The following CNTN1 variants were observed in gnomAD, a reference collection of about 807,000 sequenced individuals.
CNTN1 encodes contactin 1.
A neutral mutation model predicts 126.4 loss-of-function variants in CNTN1; 38 were observed. The ratio of observed to expected loss-of-function variants is 0.30; its 90% CI spans 0.23 to 0.39. CNTN1 has a LOEUF of 0.39. Among genes scored for constraint, CNTN1 ranks in the 10% least tolerant of loss-of-function variants. The pLI, the probability that CNTN1 is intolerant of heterozygous loss-of-function variation, is 1.00. For synonymous variants in CNTN1, 413 were observed against 422.6 expected (o/e 0.98, Z 0.28); for missense variants, 1,009 against 1,248.4 (o/e 0.81, Z 2.89).
intron 14 of CNTN1, among the ~76,000 whole-genome samples, chr12:40,950,924 T>G (rs1013223108): frequency 6.6e-6 from 1 of 151,808 alleles, no homozygotes; most frequent in Admixed American, 6.6e-5. Context: ...TAAGCATATA[T>G]ATATATAAGA....
intron 1 of CNTN1, among the ~76,000 whole-genome samples, chr12:40,868,567 A>G (rs959276976): frequency 2.0e-5 from 3 of 152,056 alleles, no homozygotes; most frequent in Non-Finnish European, 4.4e-5. Flanking sequence ...ACTTCCACGG[A>G]CCTAACTCCC....
At chr12:40,735,786 G>T (rs750300019) in intron 1 of CNTN1, among the ~76,000 whole-genome samples, 39 of 152,104 alleles carry the variant, frequency 2.6e-4, no homozygotes, top group Non-Finnish European at 5.0e-4. Context: ...CCAGCCAAAT[G>T]CAAACATTTT....
At chr12:40,707,999 T>C (rs1941814464) in intron 1 of CNTN1, among the ~76,000 whole-genome samples, 1 of 152,220 alleles carries the variant, frequency 6.6e-6, no homozygotes, top group Non-Finnish European at 1.5e-5. Context: ...CCAATGACTT[T>C]TTAGTCCTAG....
At chr12:40,834,897 T>A (rs1941990762) in intron 1 of CNTN1, among the ~76,000 whole-genome samples, 1 of 152,216 alleles carries the variant, frequency 6.6e-6, no homozygotes, top group African/African-American at 2.4e-5. Flanking sequence ...AAAATTATTA[T>A]GAGCATACAA....
chr12:40,941,459 C>A (rs1029694911), intron 12 of CNTN1, among the ~76,000 whole-genome samples: 29 of 152,106 alleles, frequency 1.9e-4, no homozygotes, highest in Admixed American at 1.8e-3. Context: ...TTCCACGTAA[C>A]TAAGTTATTT....
chr12:41,070,148 A>G lies in CNTN1; in HGVS notation c.*113A>G. ...CTCCATCCTAAGCCAAATAAATTAT[A>G]CTTTAACAAACTATTCAACTGATTT... On this transcript the variant is annotated 3_prime_UTR_variant, in exon 24 of 24. Coordinates refer to ENST00000551295, the MANE Select transcript of CNTN1 (RefSeq NM_001843.4). 1.1e-6 allele frequency: 1 copy of G among 873,726 alleles called. No homozygotes were observed. Among genetic ancestry groups the G allele is most frequent in the Non-Finnish European group, 1.9e-6 (1 of 527,274 alleles). The allele number at this position is 873,726 out of a possible 1,614,324, so 54.1% of individuals were successfully genotyped here. A position where few individuals can be genotyped will look rare whatever the true frequency, so the allele number is the denominator to read the frequency against.
chr12:40,885,522 T>C (rs1461857286), intron 1 of CNTN1, among the ~76,000 whole-genome samples: 2 of 152,004 alleles, frequency 1.3e-5, no homozygotes, highest in African/African-American at 2.4e-5. Context: ...GTTAACTGTG[T>C]GACCTTAGCT....
chr12:40,956,984 T>A (rs2136999379), intron 14 of CNTN1, among the ~76,000 whole-genome samples: 1 of 151,642 alleles, frequency 6.6e-6, no homozygotes, highest in Admixed American at 6.6e-5. Flanking sequence ...TTATGATGAG[T>A]TTATGAGAAA....
At chr12:40,881,613 T>G (rs1943872147) in intron 1 of CNTN1, among the ~76,000 whole-genome samples, 1 of 151,898 alleles carries the variant, frequency 6.6e-6, no homozygotes, top group African/African-American at 2.4e-5. Context: ...CTATAGCTAT[T>G]GACTTACAAA....
chr12:40,826,753 A>G (rs1310601255), intron 1 of CNTN1, among the ~76,000 whole-genome samples: 1 of 152,220 alleles, frequency 6.6e-6, no homozygotes, highest in Non-Finnish European at 1.5e-5. Context: ...TCAATTGGCA[A>G]ACTTTGGTTT....
At chr12:40,980,833 G>A in intron 15 of CNTN1, 76 bp from the exon 16 acceptor site, 1 of 1,338,526 alleles carries the variant, frequency 7.5e-7, no homozygotes. Flanking sequence ...ATGGTTAGAA[G>A]ACATTTTTAT....
chr12:40,894,540 G>A lies in CNTN1; in HGVS notation c.-76-13817G>A, dbSNP rs138041971. On this transcript the variant is annotated intron_variant, in intron 1 of 23. Coordinates refer to ENST00000551295, the MANE Select transcript of CNTN1 (RefSeq NM_001843.4). ...TTCAATTTTCTTTAAGTCTAAAACT[G>A]TTCTGAAAATAACATATAAAATATG... 7.9e-5 allele frequency among the ~76,000 whole-genome samples: 12 copies of A among 152,226 alleles called. No homozygotes were observed. The East Asian group carries it at 2.3e-3, about 29-fold the overall frequency.
intron 23 of CNTN1, among the ~76,000 whole-genome samples, chr12:41,049,926 C>G (rs540508761): frequency 3.9e-5 from 6 of 152,288 alleles, no homozygotes; most frequent in Non-Finnish European, 8.8e-5. Flanking sequence ...GAGATGGAGT[C>G]TTGCTCTATC....
intron 4 of CNTN1, 40 bp downstream of exon 4, chr12:40,918,811 AG>A (rs1309825727): frequency 1.2e-6 from 2 of 1,609,394 alleles, no homozygotes; most frequent in Non-Finnish European, 1.7e-6. Flanking sequence ...GGAGTGTCAG[AG>A]TAATGATCAC....
intron 1 of CNTN1, among the ~76,000 whole-genome samples, chr12:40,746,986 C>G (rs1415857856): frequency 2.6e-5 from 4 of 152,052 alleles, no homozygotes; most frequent in African/African-American, 9.7e-5. Flanking sequence ...TGGCCATCAC[C>G]TGATGGTTGC....
chr12:40,756,470 T>G (rs1019475179), intron 1 of CNTN1, among the ~76,000 whole-genome samples: 2 of 152,120 alleles, frequency 1.3e-5, no homozygotes, highest in Admixed American at 1.3e-4. Flanking sequence ...GTATAGCTAT[T>G]GGAACTGCCA....
intron 14 of CNTN1, among the ~76,000 whole-genome samples, chr12:40,949,210 GTT>G (rs1268991186): frequency 1.1e-4 from 3 of 26,238 alleles, no homozygotes; most frequent in Non-Finnish European, 3.1e-4. Flanking sequence ...TTTTTTTTTT[GTT>G]TTTTTACAAT....
chr12:40,947,385 A>G (rs1421578585), intron 14 of CNTN1, among the ~76,000 whole-genome samples: 2 of 152,056 alleles, frequency 1.3e-5, no homozygotes, highest in Non-Finnish European at 2.9e-5. Context: ...TGTTGATGTT[A>G]TATGGCAAAT....
chr12:40,701,881 C>A (rs897007295), intron 1 of CNTN1, among the ~76,000 whole-genome samples: 1 of 152,054 alleles, frequency 6.6e-6, no homozygotes, highest in African/African-American at 2.4e-5. Context: ...AAACATTTGG[C>A]CCAATGAGCT....
Sources: allele counts gnomAD v4.1 joint callset (sites outside exome capture counted in the v4.1 genomes callset), GRCh38; gene constraint gnomAD v4.1.1; transcripts MANE v1.5; gene names NCBI Gene and HGNC (gene_info 2026-07-23, HGNC 2026-07-21).